The following CLIP2 variants were observed in gnomAD, a reference collection of about 807,000 sequenced individuals.
CLIP2 encodes the protein CAP-Gly domain containing linker protein 2, also known as CAP-Gly domain-containing linker protein 2.
In CLIP2, 41 loss-of-function variants were observed where a neutral mutation model predicts 111.7. That is an observed-to-expected ratio of 0.37 (90% CI 0.29 to 0.48). The LOEUF (loss-of-function observed/expected upper bound fraction) is 0.48. CLIP2 is among the 20% of genes least tolerant of loss of function. The pLI, the probability that CLIP2 is intolerant of heterozygous loss-of-function variation, is 0.99. For synonymous variants in CLIP2, 660 were observed against 644.2 expected, an observed-to-expected ratio of 1.02 and a Z score of -0.37; for missense variants, 1,160 against 1,422.1, an observed-to-expected ratio of 0.82 and a Z score of 2.96.
chr7:74,364,347 C>T (rs1554310365), intron 8 of CLIP2, 32 bp downstream of exon 8: 1 of 1,592,376 alleles, frequency 6.3e-7, no homozygotes, highest in Admixed American at 1.7e-5. Flanking sequence ...CCTGGGCACA[C>T]TTAGCACCGG....
chr7:74,301,759 C>G (rs1198634307), intron 1 of CLIP2, among the ~76,000 whole-genome samples: 1 of 151,392 alleles, frequency 6.6e-6, no homozygotes, highest in African/African-American at 2.4e-5. Context: ...GTTGCTAAGA[C>G]TGGAGTGCGC....
rs140282960 is a variant in CLIP2, at chr7:74,359,084, G to A, written c.1216-1091G>A. Among the ~76,000 whole-genome samples, 887 of 151,050 alleles carry A rather than the reference G, an allele frequency of 5.9e-3. 7 individuals are homozygous for A. Among genetic ancestry groups the A allele is most frequent in the South Asian group, 0.022 (103 of 4,764 alleles). ...ATTCAAGCAATTCTCCTGCCTCAGC[G>A]TCCTTAGTAGCTGGGACTACAGGTG... On this transcript the variant is annotated intron_variant, in intron 6 of 16. Transcript: ENST00000223398.
At chr7:74,368,719 C>G (rs1790524805) in intron 8 of CLIP2, among the ~76,000 whole-genome samples, 1 of 151,966 alleles carries the variant, frequency 6.6e-6, no homozygotes, top group South Asian at 2.1e-4. Flanking sequence ...TGAATCTAGT[C>G]TTTTTTAAAA....
chr7:74,375,773 C>G (rs1400940190), intron 9 of CLIP2, 114 bp from the exon 10 acceptor site: 2 of 841,472 alleles, frequency 2.4e-6, no homozygotes, highest in Non-Finnish European at 3.5e-6. Context: ...CCTCCACCTG[C>G]TGGGGCTGGT....
chr7:74,360,723 G>C (rs1454380975), intron 7 of CLIP2, among the ~76,000 whole-genome samples: 1 of 152,138 alleles, frequency 6.6e-6, no homozygotes, highest in African/African-American at 2.4e-5. Context: ...GTTAATTTTT[G>C]TATTTTTTGT....
At chr7:74,366,952 T>C (rs1212457364) in intron 8 of CLIP2, among the ~76,000 whole-genome samples, 2 of 151,634 alleles carry the variant, frequency 1.3e-5, no homozygotes, top group African/African-American at 2.4e-5. Flanking sequence ...TCCAGGAGGA[T>C]TGCCGGCAGC....
intron 8 of CLIP2, among the ~76,000 whole-genome samples, chr7:74,367,825 C>T (rs564597020): frequency 6.6e-6 from 1 of 152,202 alleles, no homozygotes; most frequent in Non-Finnish European, 1.5e-5. Context: ...ACCTGTAATC[C>T]CAGTGCTTTG....
At chr7:74,368,294 G>C (rs1356240646) in intron 8 of CLIP2, among the ~76,000 whole-genome samples, 2 of 152,014 alleles carry the variant, frequency 1.3e-5, no homozygotes, top group African/African-American at 4.8e-5. Context: ...GAGGTGGGCG[G>C]ATCATGAGGT....
intron 13 of CLIP2, among the ~76,000 whole-genome samples, chr7:74,396,557 G>A (rs1791453128): frequency 6.6e-6 from 1 of 152,032 alleles, no homozygotes; most frequent in African/African-American, 2.4e-5. Context: ...GCCTTGCTCT[G>A]TTGCCCAGGC....
rs1791703735 is a variant in CLIP2, at chr7:74,404,217, C to T, written c.*369C>T. On this transcript the variant is annotated 3_prime_UTR_variant, in exon 17 of 17. Coordinates refer to ENST00000223398, the MANE Select transcript of CLIP2 (RefSeq NM_003388.5). ...TAGCGGCCCTGTCCTCTTTTTCCGC[C>T]CATTCTCCCTCGGGTCTCCCCAGAG... The T allele has an allele frequency of 3.8e-6, 1 of 263,078 alleles. No individual in the cohort carries two copies. 16.3% of individuals were successfully genotyped at this position (263,078 alleles called of 1,614,324 possible). A position where few individuals can be genotyped will look rare whatever the true frequency, so the allele number is the denominator to read the frequency against.
chr7:74,371,636 G>A (rs1350554886), intron 8 of CLIP2, among the ~76,000 whole-genome samples: 1 of 142,164 alleles, frequency 7.0e-6, no homozygotes, highest in Non-Finnish European at 1.5e-5. Flanking sequence ...GGAGGGGAAT[G>A]GAGAGAGAGA....
intron 10 of CLIP2, among the ~76,000 whole-genome samples, chr7:74,377,951 A>G (rs1216251590): frequency 6.6e-6 from 1 of 151,142 alleles, no homozygotes; most frequent in Non-Finnish European, 1.5e-5. Flanking sequence ...TCAGCCTCCC[A>G]AGTAGCTGCA....
intron 13 of CLIP2, among the ~76,000 whole-genome samples, chr7:74,395,560 G>A (rs1554316535): frequency 6.6e-6 from 1 of 152,176 alleles, no homozygotes; most frequent in African/African-American, 2.4e-5. Context: ...CCAAAGTGCT[G>A]GGATTACAGG....
rs112801902 is a variant in CLIP2, at chr7:74,360,305, G to GGAGGACGTTCT, written c.1319+27_1319+28insGAGGACGTTCT. On this transcript the variant is annotated intron_variant, in intron 7 of 16. Coordinates refer to ENST00000223398, the MANE Select transcript of CLIP2 (RefSeq NM_003388.5). ...TACGTGCTGGCCCACCCTCGCCCTG[G>GGAGGACGTTCT]CCCTGAGTCCCCTTAAGGAGGATGA... 1.8e-4 allele frequency: 269 copies of GGAGGACGTTCT among 1,530,408 alleles called. 2 individuals are homozygous for GGAGGACGTTCT. The African/African-American group carries it at 2.6e-3, about 15-fold the overall frequency. 94.8% of individuals were successfully genotyped at this position (1,530,408 alleles called of 1,614,324 possible).
chr7:74,343,600 G>A (rs1789720487), intron 3 of CLIP2, among the ~76,000 whole-genome samples: 1 of 152,004 alleles, frequency 6.6e-6, no homozygotes, highest in South Asian at 2.1e-4. Flanking sequence ...AGCATTAAGA[G>A]AGCTGATGGC....
intron 8 of CLIP2, among the ~76,000 whole-genome samples, chr7:74,365,845 C>A (rs1790461101): frequency 6.6e-6 from 1 of 152,118 alleles, no homozygotes; most frequent in Admixed American, 6.6e-5. Context: ...GCCTCCACTT[C>A]CTGGGCTCAA....
intron 2 of CLIP2, among the ~76,000 whole-genome samples, chr7:74,331,233 A>T (rs1432154171): frequency 8.4e-6 from 1 of 119,142 alleles, no homozygotes; most frequent in Non-Finnish European, 1.9e-5. Context: ...AAAAAAAAAA[A>T]AATTCAGGTG....
chr7:74,317,306 A>G (rs146084960), intron 1 of CLIP2, among the ~76,000 whole-genome samples, 174 bp from the exon 2 acceptor site: 1 of 152,146 alleles, frequency 6.6e-6, no homozygotes, highest in Non-Finnish European at 1.5e-5. Context: ...TGGGATGGTG[A>G]GTCTGAGAGC....
intron 8 of CLIP2, among the ~76,000 whole-genome samples, chr7:74,368,692 A>G (rs1790523957): frequency 6.6e-6 from 1 of 152,072 alleles, no homozygotes; most frequent in Admixed American, 6.6e-5. Flanking sequence ...TGTTCCTCCA[A>G]AGTCCATTCT....
Sources: allele counts gnomAD v4.1 joint callset (sites outside exome capture counted in the v4.1 genomes callset), GRCh38; gene constraint gnomAD v4.1.1; transcripts MANE v1.5; gene names NCBI Gene and HGNC (gene_info 2026-07-23, HGNC 2026-07-21).